GPRIN1: variants seen among roughly 807,000 people sequenced by gnomAD.
GPRIN1 encodes the protein G protein regulated inducer of neurite outgrowth 1, also known as G protein-regulated inducer of neurite outgrowth 1.
A neutral mutation model predicts 2.8 loss-of-function variants in GPRIN1; 4 were observed. That is an observed-to-expected ratio of 1.45 (90% CI 0.71 to 3.32). The LOEUF (loss-of-function observed/expected upper bound fraction) is 3.32, where lower values mean the gene tolerates loss of function less well. Among genes scored for constraint, GPRIN1 ranks in the 30% most tolerant of loss-of-function variants. GPRIN1 has a pLI of 0.01. For missense variants in GPRIN1, 1,322 were observed against 1,343.4 expected, an observed-to-expected ratio of 0.98 and a Z score of 0.25; for synonymous variants, 589 against 589.9, an observed-to-expected ratio of 1.00 and a Z score of 0.02.
chr5:176,597,063 T>C lies in GPRIN1; in HGVS notation c.2772A>G (p.Val924=). Residue 924 remains valine, a synonymous_variant, in exon 2 of 2, where the codon GTA becomes GTG. Coordinates refer to ENST00000303991, the MANE Select transcript of GPRIN1 (RefSeq NM_052899.3). The surrounding 1 kb of genome is among the most constrained non-coding windows in gnomAD (Gnocchi z 6.1). Reference sequence around the variant, plus strand: ...CCTCCACCTCCATGGCGGCGCCGTATACCTCCCACGTCATGCCCTTCTCGT... The same window carrying C: ...CCTCCACCTCCATGGCGGCGCCGTACACCTCCCACGTCATGCCCTTCTCGT... ...SWDEKGMTWE[V]YGAAMEVEVL... The C allele has an allele frequency of 6.6e-7, 1 of 1,509,602 alleles. No individual in the cohort carries two copies. The highest frequency in any genetic ancestry group is 8.9e-7 in the Non-Finnish European group (1 of 1,126,944). 93.5% of individuals were successfully genotyped at this position (1,509,602 alleles called of 1,614,324 possible). A position where few individuals can be genotyped will look rare whatever the true frequency, so the allele number is the denominator to read the frequency against.
In GPRIN1 at chr5:176,598,660, G is replaced by A. The variant is rs1759093249; in HGVS notation, c.1175C>T (p.Thr392Met). 3.7e-6 allele frequency: 6 copies of A among 1,614,132 alleles called. No individual in the cohort carries two copies. Among genetic ancestry groups the A allele is most frequent in the African/African-American group, 2.7e-5 (2 of 75,046 alleles). The change falls in exon 2 of 2, where the codon ACG becomes ATG. Residue 392 changes from threonine (T) to methionine (M), a missense_variant. Transcript: ENST00000303991. ...TGTCTTTGCTGAAGCCGTAGTATCC[G>A]TGTGGCCAGACACAGGACGCCCCTC... ...SGEGRPVSGH[T>M]DTTASAKTDL...
chr5:176,596,817 C>A lies in GPRIN1; in HGVS notation c.3018G>T (p.Thr1006=). 7.0e-7 allele frequency: 1 copy of A among 1,421,708 alleles called. No homozygotes were observed. Among genetic ancestry groups the A allele is most frequent in the South Asian group, 1.5e-5 (1 of 66,456 alleles). 88.1% of individuals were successfully genotyped at this position (1,421,708 alleles called of 1,614,324 possible). ...ACAAAATGGGGGCAGATCACTCGGC[C>A]GTGGGTCCCGCCCGCGAGCAGCACC... ...RPRCCSRAGP[T]AE is the part of the protein sequence containing the mutation. Residue 1006 remains threonine, a synonymous_variant, in exon 2 of 2, where the codon ACG becomes ACT. Transcript: ENST00000303991. The surrounding 1 kb of genome is among the most constrained non-coding windows in gnomAD (Gnocchi z 5.2).
In GPRIN1 at chr5:176,599,663, T is replaced by TG; in HGVS notation, c.171dup (p.Arg58GlnfsTer5). The TG allele has an allele frequency of 2.6e-6, 4 of 1,559,686 alleles. No homozygotes were observed. The highest frequency in any genetic ancestry group is 2.6e-6 in the Non-Finnish European group (3 of 1,152,910). The stretch of plus-strand genomic sequence containing the variant: ...CCTGGGCTTTGGTCAGGGGTGTGCC[T>TG]GGGGGGTGCAGGGCTTGCCTTTTGC... On this transcript the variant is annotated frameshift_variant, in exon 2 of 2. Coordinates refer to ENST00000303991, the MANE Select transcript of GPRIN1 (RefSeq NM_052899.3). LOFTEE classifies it low-confidence loss of function (END_TRUNC).
rs1759057660 is a variant in GPRIN1 at position 176,597,369 on chromosome 5, G to C, written c.2466C>G (p.Val822=). The change falls in exon 2 of 2, where the codon GTC becomes GTG. Residue 822 remains valine, a synonymous_variant. Coordinates refer to ENST00000303991, the MANE Select transcript of GPRIN1 (RefSeq NM_052899.3). The surrounding 1 kb of genome is among the most constrained non-coding windows in gnomAD (Gnocchi z 6.1). ...GAGACATGGGGCTCACGGCCACTGA[G>C]ACGCAGGCCTGCGCGCCCGCCTGAG... is the stretch of plus-strand genomic sequence containing the variant. ...AGTQAGAQAC[V]SVAVSPMSPQ... 1 of 1,267,444 alleles carries C rather than the reference G, an allele frequency of 7.9e-7. No homozygotes were observed. The highest frequency in any genetic ancestry group is 2.9e-5 in the South Asian group (1 of 34,480). The allele number at this position is 1,267,444 out of a possible 1,614,324, so 78.5% of individuals were successfully genotyped here. A position where few individuals can be genotyped will look rare whatever the true frequency, so the allele number is the denominator to read the frequency against.
chr5:176,604,267 C>G (rs1202424808), intron 1 of GPRIN1, among the ~76,000 whole-genome samples: 6 of 152,130 alleles, frequency 3.9e-5, no homozygotes, highest in African/African-American at 1.2e-4. Flanking sequence ...ACCATCTGAG[C>G]CAGCCATGAA....
chr5:176,603,746 C>A (rs1179724339), intron 1 of GPRIN1, among the ~76,000 whole-genome samples: 1 of 152,208 alleles, frequency 6.6e-6, no homozygotes, highest in Non-Finnish European at 1.5e-5. Context: ...TTCGTGGGAT[C>A]ACTGGATGGT....
In GPRIN1 at chr5:176,599,463, G is replaced by C. The variant is rs1759112656; in HGVS notation, c.372C>G (p.Thr124=). Reference sequence around the variant, plus strand: ...ACACAGGCTCTGGCTTCCCAGACGTGGTGGCTTCTGGTGTCCCTGAGATGG... The same window carrying C: ...ACACAGGCTCTGGCTTCCCAGACGTCGTGGCTTCTGGTGTCCCTGAGATGG... ...GASISGTPEA[T]TSGKPEPVSS... Residue 124 remains threonine (T), a synonymous_variant, in exon 2 of 2, where the codon ACC becomes ACG. Transcript: ENST00000303991. The C allele has an allele frequency of 1.2e-6, 2 of 1,613,958 alleles. No homozygotes were observed. Among genetic ancestry groups the C allele is most frequent in the Non-Finnish European group, 8.5e-7 (1 of 1,179,892 alleles).
At chr5:176,600,909 C>T (rs1170767920) in intron 1 of GPRIN1, among the ~76,000 whole-genome samples, 2 of 152,086 alleles carry the variant, frequency 1.3e-5, no homozygotes, top group Admixed American at 6.5e-5. Context: ...GAGCAAGACT[C>T]CATCTCAAAA....
At position 176,602,636 on chromosome 5, in the gene GPRIN1, C is replaced by T. The variant is rs58176802; in HGVS notation, c.-43-2759G>A. Among the ~76,000 whole-genome samples, 1,595 of 152,260 alleles carry T rather than the reference C, an allele frequency of 0.01. 25 individuals carry two copies. The highest frequency in any genetic ancestry group is 0.036 in the African/African-American group (1,494 of 41,542). On this transcript the variant is annotated intron_variant, in intron 1 of 1. Transcript: ENST00000303991. The surrounding 1 kb of genome is among the most constrained non-coding windows in gnomAD (Gnocchi z 4.4). ...TATCAATTTCTATCAAAGTTTACAA[C>T]GCGCATAGCATTTGAGCCACCAAGC...
At position 176,597,762 on chromosome 5, in the gene GPRIN1, C is replaced by T. The variant is rs768347172; in HGVS notation, c.2073G>A (p.Leu691=). ...LASGKGEPVS[L]GKADSAPSRK... Reference sequence around the variant, plus strand: ...TGGAAGGTGCAGAGTCGGCTTTCCCCAGGGACACAGGCTCTCCCTTCCCTG... The same window carrying T: ...TGGAAGGTGCAGAGTCGGCTTTCCCTAGGGACACAGGCTCTCCCTTCCCTG... The change falls in exon 2 of 2, where the codon CTG becomes CTA. Residue 691 remains leucine (L), a synonymous_variant. Coordinates refer to ENST00000303991, the MANE Select transcript of GPRIN1 (RefSeq NM_052899.3). The surrounding 1 kb of genome is among the most constrained non-coding windows in gnomAD (Gnocchi z 6.1). 6.2e-7 allele frequency: 1 copy of T among 1,604,134 alleles called. No individual in the cohort carries two copies. The highest frequency in any genetic ancestry group is 8.5e-7 in the Non-Finnish European group (1 of 1,175,326).
chr5:176,598,651 G>T lies in GPRIN1; in HGVS notation c.1184C>A (p.Thr395Lys), dbSNP rs146734819. 6.2e-7 allele frequency: 1 copy of T among 1,614,040 alleles called. No homozygotes were observed. The highest frequency in any genetic ancestry group is 8.5e-7 in the Non-Finnish European group (1 of 1,180,054). Residue 395 changes from threonine (T) to lysine (K), a missense_variant, in exon 2 of 2, where the codon ACG becomes AAG. Thr to Lys is a moderately conservative substitution (Grantham distance 78). Coordinates refer to ENST00000303991, the MANE Select transcript of GPRIN1 (RefSeq NM_052899.3). ...TGTGAGATCTGTCTTTGCTGAAGCCGTAGTATCCGTGTGGCCAGACACAGG... is the reference window on the plus strand; with the variant it reads ...TGTGAGATCTGTCTTTGCTGAAGCCTTAGTATCCGTGTGGCCAGACACAGG... ...GRPVSGHTDT[T>K]ASAKTDLTSL...
chr5:176,605,116 CAG>C (rs1316170145), intron 1 of GPRIN1, among the ~76,000 whole-genome samples: 3 of 136,498 alleles, frequency 2.2e-5, no homozygotes, highest in East Asian at 2.2e-4. Context: ...TTTTTTGAGA[CAG>C]AGTCTTACTC....
At position 176,599,509 on chromosome 5, in the gene GPRIN1, G is replaced by A. The variant is rs1759114040; in HGVS notation, c.326C>T (p.Thr109Ile). The change falls in exon 2 of 2, where the codon ACA (threonine) becomes ATA (isoleucine). Residue 109 changes from threonine to isoleucine, a missense_variant. By Grantham distance (89) the Thr-to-Ile change is moderately conservative. Around this residue, in one of 3 missense-constraint regions of GPRIN1, gnomAD observed 1,117 missense variants for 1,128.6 expected, o/e 0.99. Transcript: ENST00000303991. ...FSPQESPSKE[T>I]LEAHGASISG... The stretch of plus-strand genomic sequence containing the variant: ...GATGGAGGCTCCATGTGCCTCCAAT[G>A]TCTCCTTGGAGGGTGACTCCTGGGG... The A allele has an allele frequency of 6.2e-7, 1 of 1,609,982 alleles. No individual in the cohort carries two copies. Among genetic ancestry groups the A allele is most frequent in the African/African-American group, 1.3e-5 (1 of 74,708 alleles).
chr5:176,608,983 G>A (rs936466024), intron 1 of GPRIN1, among the ~76,000 whole-genome samples: 1 of 152,196 alleles, frequency 6.6e-6, no homozygotes, highest in Non-Finnish European at 1.5e-5. Context: ...TCTCCTGCTC[G>A]GGGGTGTGGG....
chr5:176,606,085 G>A (rs1316819056), intron 1 of GPRIN1, among the ~76,000 whole-genome samples: 2 of 152,120 alleles, frequency 1.3e-5, no homozygotes, highest in Non-Finnish European at 2.9e-5. Context: ...GTGCAGCCCG[G>A]GCAGAAAGTC....
rs746582726 is a variant in GPRIN1 at position 176,599,726 on chromosome 5, C to T, written c.109G>A (p.Ala37Thr). 4 of 1,555,402 alleles carry T rather than the reference C, an allele frequency of 2.6e-6. No individual in the cohort carries two copies. Among genetic ancestry groups the T allele is most frequent in the Admixed American group, 2.0e-5 (1 of 51,176 alleles). The change falls in exon 2 of 2, where the codon GCT becomes ACT. Residue 37 changes from alanine (A) to threonine (T), a missense_variant. Physicochemically the swap from Ala to Thr is moderately conservative, Grantham distance 58. Transcript: ENST00000303991. ...TAATCCCTCATAGCCGAGCTGCCAG[C>T]CCCCAGGCTCCCATCCTGTGGGCAG... is the stretch of plus-strand genomic sequence containing the variant. ...FFCPQDGSLG[A>T]GSSAMRDYCP...
intron 1 of GPRIN1, among the ~76,000 whole-genome samples, chr5:176,600,269 G>A (rs958951750): frequency 2.6e-5 from 4 of 152,164 alleles, no homozygotes; most frequent in African/African-American, 4.8e-5. Context: ...TGGGACTACA[G>A]GCATGCGCCA....
In GPRIN1 at chr5:176,598,932, G is replaced by C; in HGVS notation, c.903C>G (p.Pro301=). Residue 301 remains proline (P), a synonymous_variant, in exon 2 of 2, where the codon CCC becomes CCG. Coordinates refer to ENST00000303991, the MANE Select transcript of GPRIN1 (RefSeq NM_052899.3). ...PGPSGKADPM[P]LESMDSASTG... ...TGGACGCAGAATCCATGCTTTCCAA[G>C]GGCATGGGATCTGCCTTTCCCGAGG... 6.2e-7 allele frequency: 1 copy of C among 1,614,082 alleles called. No individual in the cohort carries two copies. Among genetic ancestry groups the C allele is most frequent in the African/African-American group, 1.3e-5 (1 of 75,032 alleles).
chr5:176,596,965 G>A lies in GPRIN1; in HGVS notation c.2870C>T (p.Pro957Leu), dbSNP rs756122584. ...EEHGRQGAPAPPPAARAGPGR... is the reference protein window; with the variant it reads ...EEHGRQGAPALPPAARAGPGR... ...GGGGCCGGCACGGGCGGCGGGCGGC[G>A]GCGCGGGCGCCCCTTGGCGGCCGTG... The change falls in exon 2 of 2, where the codon CCG becomes CTG. Residue 957 changes from proline (P) to leucine (L), a missense_variant. By Grantham distance (98) the Pro-to-Leu change is moderately conservative. Transcript: ENST00000303991. The surrounding 1 kb of genome is among the most constrained non-coding windows in gnomAD (Gnocchi z 5.2). 8.2e-6 allele frequency: 11 copies of A among 1,341,102 alleles called. No homozygotes were observed. The African/African-American group carries it at 1.7e-4, about 20-fold the overall frequency. The allele number at this position is 1,341,102 out of a possible 1,614,324, so 83.1% of individuals were successfully genotyped here.
Sources: gnomAD v4.1 joint callset for allele counts (sites outside exome capture counted in the v4.1 genomes callset) on GRCh38, gnomAD v4.1.1 for gene constraint, gnomAD v4.1.1 regional missense constraint, Gnocchi (gnomAD v3.1) non-coding constraint, MANE v1.5 for transcripts, NCBI Gene and HGNC (gene_info 2026-07-23, HGNC 2026-07-21) for gene names.